Variants in SORL1 observed in about 807,000 individuals in gnomAD.
SORL1 encodes the protein sortilin-related receptor.
A neutral mutation model predicts 273.7 loss-of-function variants in SORL1; 127 were observed. The ratio of observed to expected loss-of-function variants is 0.46; its 90% CI spans 0.40 to 0.54. SORL1 has a LOEUF of 0.54. SORL1 is among the 20% of genes least tolerant of loss of function. SORL1 has a pLI of 0.00. For synonymous variants in SORL1, 1,031 were observed against 1,067.4 expected (o/e 0.97, Z 0.66); for missense variants, 2,494 against 2,846.1 (o/e 0.88, Z 2.81).
At chr11:121,581,677 G>A (rs911994273) in intron 25 of SORL1, among the ~76,000 whole-genome samples, 9 of 152,210 alleles carry the variant, frequency 5.9e-5, no homozygotes, top group Non-Finnish European at 1.0e-4. Flanking sequence ...CTGGCCACTT[G>A]AATGCAAACT....
chr11:121,583,979 T>G (rs1360077496), intron 26 of SORL1, among the ~76,000 whole-genome samples: 1 of 152,220 alleles, frequency 6.6e-6, no homozygotes, highest in Non-Finnish European at 1.5e-5. Context: ...TGCAACTCTG[T>G]TTTTGTGTAG....
In SORL1 at chr11:121,633,068, T is replaced by G. The variant is rs148328858; in HGVS notation, c.*3505T>G. 61 of 152,322 alleles carry G rather than the reference T, an allele frequency of 4.0e-4. No homozygotes were observed. The highest frequency in any genetic ancestry group is 3.4e-3 in the Middle Eastern group (1 of 294). The allele number at this position is 152,322 out of a possible 1,614,324, so 9.4% of individuals were successfully genotyped here. A position where few individuals can be genotyped will look rare whatever the true frequency, so the allele number is the denominator to read the frequency against. On this transcript the variant is annotated 3_prime_UTR_variant, in exon 48 of 48. Transcript: ENST00000260197. Reference sequence around the variant, plus strand: ...GTGTGCTGCCTTTCAGGTACAATTTTTGTGTAATAAAAGCCAGTGCATTAA... The same window carrying G: ...GTGTGCTGCCTTTCAGGTACAATTTGTGTGTAATAAAAGCCAGTGCATTAA...
chr11:121,507,937 G>GT (rs1861812637), intron 6 of SORL1, among the ~76,000 whole-genome samples: 1 of 152,076 alleles, frequency 6.6e-6, no homozygotes, highest in Admixed American at 6.6e-5. Context: ...TGTTGTTGCT[G>GT]TTTGTTGTTG....
intron 4 of SORL1, among the ~76,000 whole-genome samples, chr11:121,489,438 T>C (rs1861519468): frequency 6.6e-6 from 1 of 152,218 alleles, no homozygotes; most frequent in African/African-American, 2.4e-5. Context: ...CTCTATGCTT[T>C]TGCCTACTCT....
chr11:121,482,846 G>A (rs1168279821), intron 3 of SORL1, among the ~76,000 whole-genome samples: 2 of 152,384 alleles, frequency 1.3e-5, no homozygotes, highest in South Asian at 4.1e-4. Context: ...GGGGAGAGAA[G>A]GTGCTAGCGC....
intron 22 of SORL1, among the ~76,000 whole-genome samples, chr11:121,567,458 G>C (rs1033887904): frequency 6.6e-6 from 1 of 152,154 alleles, no homozygotes; most frequent in African/African-American, 2.4e-5. Context: ...CTCACATCCA[G>C]GTTTCTTACC....
rs368278281 is a variant in SORL1, at chr11:121,606,867, C to T, written c.4971C>T (p.Leu1657=). The change falls in exon 36 of 48, where the codon CTC becomes CTT. Residue 1657 remains leucine (L), a synonymous_variant. Coordinates refer to ENST00000260197, the MANE Select transcript of SORL1 (RefSeq NM_003105.6). ...PEGLPDAPRN[L]QLSLPREAEG... ...TAGTGCCAGATGCCCCTCGAAATCT[C>T]CAGCTGTCACTCCCCAGGGAAGCAG... is the stretch of plus-strand genomic sequence containing the variant. 2 of 1,610,140 alleles carry T rather than the reference C, an allele frequency of 1.2e-6. No individual in the cohort carries two copies. The highest frequency in any genetic ancestry group is 2.7e-5 in the African/African-American group (2 of 74,710).
At chr11:121,606,333 C>T (rs1404159557) in intron 35 of SORL1, among the ~76,000 whole-genome samples, 4 of 152,220 alleles carry the variant, frequency 2.6e-5, no homozygotes, top group Admixed American at 2.0e-4. Flanking sequence ...TGAATGTCAT[C>T]TTTTTTCATT....
chr11:121,544,366 C>G (rs993392209), intron 13 of SORL1, among the ~76,000 whole-genome samples: 5 of 152,236 alleles, frequency 3.3e-5, no homozygotes, highest in Admixed American at 6.5e-5. Flanking sequence ...ATATCCCAAC[C>G]AGAAGACGTC....
chr11:121,611,020 G>A, intron 38 of SORL1, 56 bp from the exon 39 acceptor site: 1 of 1,204,538 alleles, frequency 8.3e-7, no homozygotes, highest in Non-Finnish European at 1.2e-6. Context: ...ATTAAGTCCT[G>A]CCTTCCTCAC....
Position 121,553,981 on chromosome 11 carries a change from C to T in SORL1, c.2311C>T (p.Arg771Cys), listed in dbSNP as rs561482784. 2.4e-5 allele frequency: 39 copies of T among 1,614,176 alleles called. No individual in the cohort carries two copies. The Admixed American group carries it at 3.8e-4, about 16-fold the overall frequency. The change falls in exon 17 of 48, where the codon CGC becomes TGC. Residue 771 changes from arginine (R) to cysteine (C), a missense_variant. Coordinates refer to ENST00000260197, the MANE Select transcript of SORL1 (RefSeq NM_003105.6). ...GTATGCTGTGAGGAAATCCATCTAC[C>T]GCTATGACCTGGCCTCGGGAGCCAC... ...ILYAVRKSIY[R>C]YDLASGATEQ...
chr11:121,498,805 G>A (rs910728339), intron 6 of SORL1, among the ~76,000 whole-genome samples: 2 of 152,086 alleles, frequency 1.3e-5, no homozygotes, highest in African/African-American at 4.8e-5. Context: ...GAATTTGGGA[G>A]GTGGAGGTTG....
chr11:121,588,168 A>G lies in SORL1; in HGVS notation c.3946+17A>G. 2 of 1,611,808 alleles carry G rather than the reference A, an allele frequency of 1.2e-6. No homozygotes were observed. Among genetic ancestry groups the G allele is most frequent in the Non-Finnish European group, 1.7e-6 (2 of 1,178,696 alleles). ...CAGGATGCTGTGAGTTGGGGCAGGC[A>G]GGGGAGGTGACTCACGGTCACTAAA... On this transcript the variant is annotated intron_variant, in intron 28 of 47. Coordinates refer to ENST00000260197, the MANE Select transcript of SORL1 (RefSeq NM_003105.6).
intron 8 of SORL1, among the ~76,000 whole-genome samples, chr11:121,516,671 A>G (rs1037563754): frequency 6.6e-6 from 1 of 152,148 alleles, no homozygotes; most frequent in African/African-American, 2.4e-5. Context: ...CATTCCTGCC[A>G]TGATACATTT....
At chr11:121,610,088 C>G (rs1304395393) in intron 38 of SORL1, 1 of 152,260 alleles carries the variant, frequency 6.6e-6, no homozygotes, top group Non-Finnish European at 1.5e-5. Context: ...TCTGGACAGA[C>G]CTCTTCAGAC....
At chr11:121,626,184 A>C (rs1019953931) in intron 46 of SORL1, 15 of 152,232 alleles carry the variant, frequency 9.9e-5, no homozygotes, top group African/African-American at 3.6e-4. Context: ...CCTGTGAAAT[A>C]TGCTTTGGGA....
chr11:121,507,870 G>A (rs543476683), intron 6 of SORL1, among the ~76,000 whole-genome samples: 1 of 151,934 alleles, frequency 6.6e-6, no homozygotes. Flanking sequence ...TTGAAAACTG[G>A]ACATTTTAAA....
chr11:121,598,241 G>A (rs1403506569), intron 32 of SORL1, among the ~76,000 whole-genome samples: 3 of 152,176 alleles, frequency 2.0e-5, no homozygotes, highest in Non-Finnish European at 4.4e-5. Context: ...CCCATTAGGA[G>A]GCTAATTTGA....
intron 12 of SORL1, among the ~76,000 whole-genome samples, chr11:121,535,033 A>G (rs1862248477): frequency 6.6e-6 from 1 of 152,084 alleles, no homozygotes; most frequent in South Asian, 2.1e-4. Context: ...CCAGGCACTT[A>G]GCAAATATTT....
Sources: gnomAD v4.1 joint callset for allele counts (sites outside exome capture counted in the v4.1 genomes callset) on GRCh38, gnomAD v4.1.1 for gene constraint, MANE v1.5 for transcripts, NCBI Gene and HGNC (gene_info 2026-07-23, HGNC 2026-07-21) for gene names.